The following HIVEP1 variants were observed in gnomAD, a reference collection of about 807,000 sequenced individuals.
HIVEP1 encodes the protein HIVEP zinc finger 1.
HIVEP1 carries 36 observed loss-of-function variants against 180.0 expected under a neutral mutation model. That is an observed-to-expected ratio of 0.20 (90% confidence interval 0.15 to 0.26). The LOEUF is 0.26. Among genes scored for constraint, HIVEP1 ranks in the 10% least tolerant of loss-of-function variants. The probability of loss-of-function intolerance (pLI) is 1.00; values close to 1 mark genes in which losing one functional copy is unlikely to be tolerated. For missense variants in HIVEP1, 3,143 were observed against 3,268.7 expected, an observed-to-expected ratio of 0.96 and a Z score of 0.94; for synonymous variants, 1,239 against 1,239.0, an observed-to-expected ratio of 1.00 and a Z score of 0.00.
chr6:12,184,022 T>TAGATAGATAGACAGACAGAC, the HIVEP1 span, among the ~76,000 whole-genome samples: 26 of 101,848 alleles, frequency 2.6e-4, no homozygotes, highest in Admixed American at 1.7e-3. Flanking sequence ...GATAGATAGA[T>TAGATAGATAGACAGACAGAC]AGACAGACAG....
At chr6:12,033,322 A>ATGTGTG (rs58465582) in intron 2 of HIVEP1, among the ~76,000 whole-genome samples, 7,596 of 148,842 alleles carry the variant, frequency 0.051, 221 homozygotes, top group Middle Eastern at 0.15. Context: ...GTAGAGGAGC[A>ATGTGTG]TGTGTGTGTG....
chr6:12,137,901 T>A (rs1208741780), intron 7 of HIVEP1, among the ~76,000 whole-genome samples: 2 of 152,250 alleles, frequency 1.3e-5, no homozygotes, highest in Non-Finnish European at 2.9e-5. Context: ...TTGTTGTGTG[T>A]ACTCATGTAT....
Position 12,161,718 on chromosome 6 carries a change from G to A in HIVEP1, c.6767G>A (p.Arg2256Lys), listed in dbSNP as rs1190602751. ...GTTCTGCCCAGGGCGCTGCTCACCA[G>A]AATGACTGTCCTGAGCACAGCACAG... ...MDVLPRALLT[R>K]MTVLSTAQSD... The change falls in exon 8 of 9, where the codon AGA (arginine) becomes AAA (lysine). Residue 2256 changes from arginine to lysine, a missense_variant. This residue lies in a region of HIVEP1 where 595 missense variants were observed against 602.2 expected (regional missense o/e 0.99). Coordinates refer to ENST00000379388, the MANE Select transcript of HIVEP1 (RefSeq NM_002114.4). 1.2e-5 allele frequency: 19 copies of A among 1,614,044 alleles called. No homozygotes were observed. In the Admixed American group the frequency reaches 2.5e-4, roughly 21 times the overall value.
chr6:12,116,120 T>C (rs1297650202), intron 3 of HIVEP1, among the ~76,000 whole-genome samples: 2 of 152,078 alleles, frequency 1.3e-5, no homozygotes, highest in African/African-American at 4.8e-5. Context: ...GTTGTAGATA[T>C]AGCCACAAGG....
chr6:12,114,860 T>C (rs1233536713), intron 3 of HIVEP1, among the ~76,000 whole-genome samples: 1 of 152,216 alleles, frequency 6.6e-6, no homozygotes, highest in East Asian at 1.9e-4. Context: ...CACAAACTAC[T>C]GAAAAAAGCC....
At chr6:12,100,386 T>A (rs1774047485) in intron 3 of HIVEP1, among the ~76,000 whole-genome samples, 1 of 152,246 alleles carries the variant, frequency 6.6e-6, no homozygotes, top group Non-Finnish European at 1.5e-5. Context: ...GGTTGCGGCT[T>A]GCAGAATTCC....
At chr6:12,075,505 C>CATTTCT (rs1772292184) in intron 2 of HIVEP1, among the ~76,000 whole-genome samples, 2 of 151,998 alleles carry the variant, frequency 1.3e-5, no homozygotes, top group African/African-American at 4.8e-5. Flanking sequence ...TGTCACATGT[C>CATTTCT]ATTTCTTGTT....
intron 2 of HIVEP1, among the ~76,000 whole-genome samples, chr6:12,034,842 C>T (rs1241966713): frequency 1.3e-5 from 2 of 152,148 alleles, no homozygotes; most frequent in Non-Finnish European, 2.9e-5. Context: ...GTTTCTTGAC[C>T]TGGGCGTTGT....
At chr6:12,202,431 G>A in the HIVEP1 span, among the ~76,000 whole-genome samples, 5,945 of 152,088 alleles carry the variant, frequency 0.039, 379 homozygotes, top group African/African-American at 0.13. Context: ...GAGCCACTGC[G>A]CCAGACCCAT....
the HIVEP1 span, among the ~76,000 whole-genome samples, chr6:12,210,908 T>A: frequency 6.6e-6 from 1 of 151,946 alleles, no homozygotes. Context: ...TTTTTTCTGC[T>A]GCTGTTTTAG....
At position 12,120,075 on chromosome 6, in the gene HIVEP1, C is replaced by T; in HGVS notation, c.280C>T (p.His94Tyr). The change falls in exon 4 of 9, where the codon CAC becomes TAC. Residue 94 changes from histidine (H) to tyrosine (Y), a missense_variant. His to Tyr is a moderately conservative substitution (Grantham distance 83). Coordinates refer to ENST00000379388, the MANE Select transcript of HIVEP1 (RefSeq NM_002114.4). ...FAVLHSASES[H>Y]KKQNYIPVKN... The stretch of plus-strand genomic sequence containing the variant: ...CGTTCTTCATAGTGCTTCGGAGTCT[C>T]ACAAGAAACAGAATTATATTCCTGT... 1 of 1,612,926 alleles carries T rather than the reference C, an allele frequency of 6.2e-7. No homozygotes were observed. Among genetic ancestry groups the T allele is most frequent in the Non-Finnish European group, 8.5e-7 (1 of 1,179,676 alleles).
intron 2 of HIVEP1, among the ~76,000 whole-genome samples, chr6:12,072,407 C>T (rs1343000695): frequency 6.6e-6 from 1 of 152,004 alleles, no homozygotes; most frequent in Non-Finnish European, 1.5e-5. Context: ...ACTTCGTGCC[C>T]CTCCCTTTCC....
intron 2 of HIVEP1, among the ~76,000 whole-genome samples, chr6:12,083,063 T>C (rs1316929130): frequency 6.6e-6 from 1 of 152,062 alleles, no homozygotes; most frequent in Non-Finnish European, 1.5e-5. Context: ...ATATAAATGG[T>C]AAAATGAAAA....
downstream of HIVEP1, among the ~76,000 whole-genome samples, chr6:12,165,580 T>C (rs1018567471): frequency 1.3e-5 from 2 of 152,246 alleles, no homozygotes; most frequent in Non-Finnish European, 2.9e-5. Context: ...ACCATCCTTA[T>C]TCAGGAAAAT....
At chr6:12,205,602 G>A in the HIVEP1 span, among the ~76,000 whole-genome samples, 1 of 152,192 alleles carries the variant, frequency 6.6e-6, no homozygotes, top group Admixed American at 6.5e-5. Context: ...TTGTGTGACT[G>A]AGGTTAAGTT....
intron 2 of HIVEP1, among the ~76,000 whole-genome samples, chr6:12,046,845 C>CTGTGTG (rs372934680): frequency 0.062 from 8,690 of 141,062 alleles, 309 homozygotes; most frequent in Middle Eastern, 0.15. Flanking sequence ...TGCCACTACA[C>CTGTGTG]TGTGTGTGTG....
intron 3 of HIVEP1, among the ~76,000 whole-genome samples, chr6:12,097,966 A>C (rs116012708): frequency 0.011 from 1,605 of 152,266 alleles, 29 homozygotes; most frequent in African/African-American, 0.036. Context: ...TAGAGACTTA[A>C]GTAGCTAACC....
the HIVEP1 span, among the ~76,000 whole-genome samples, chr6:12,211,658 A>T: frequency 6.6e-6 from 1 of 152,074 alleles, no homozygotes; most frequent in African/African-American, 2.4e-5. Context: ...AAGAAATATC[A>T]TGTAATGCAG....
intron 3 of HIVEP1, among the ~76,000 whole-genome samples, chr6:12,113,771 C>T (rs1775050390): frequency 6.6e-6 from 1 of 152,092 alleles, no homozygotes; most frequent in African/African-American, 2.4e-5. Flanking sequence ...ATGCTGTTCC[C>T]TAACTGGAAA....
Sources: allele counts gnomAD v4.1 joint callset (sites outside exome capture counted in the v4.1 genomes callset), GRCh38; gene constraint gnomAD v4.1.1; regional missense constraint gnomAD v4.1.1; transcripts MANE v1.5; gene names NCBI Gene and HGNC (gene_info 2026-07-23, HGNC 2026-07-21).